Variants in EIF4A1 observed in about 807,000 individuals in gnomAD.
EIF4A1 encodes the protein eukaryotic initiation factor 4A-I.
EIF4A1 carries 11 observed loss-of-function variants against 53.5 expected under a neutral mutation model. That is an observed-to-expected ratio of 0.21 (90% CI 0.13 to 0.34). EIF4A1 has a LOEUF of 0.34. EIF4A1 is among the 10% of genes least tolerant of loss of function. The pLI, the probability that EIF4A1 is intolerant of heterozygous loss-of-function variation, is 1.00. For synonymous variants in EIF4A1, 237 were observed against 186.7 expected (o/e 1.27, Z -2.20); for missense variants, 213 against 530.8 (o/e 0.40, Z 5.88).
At chr17:7,575,538 A>C (rs2071388873) in intron 4 of EIF4A1, 1 of 523,198 alleles carries the variant, frequency 1.9e-6, no homozygotes, top group Non-Finnish European at 3.5e-6. Flanking sequence ...CTATGGGCTA[A>C]GAGATCCCTT....
In EIF4A1 at chr17:7,572,826, C is replaced by G. The variant is rs540517284; in HGVS notation, c.-16C>G. 1.9e-6 allele frequency: 3 copies of G among 1,614,016 alleles called. No homozygotes were observed. The highest frequency in any genetic ancestry group is 1.1e-5 in the South Asian group (1 of 91,092). ...GTTGTCGATAGGCGGGCACTCCGCC[C>G]TAGTTTCTAAGGATCATGTCTGCGA... On this transcript the variant is annotated 5_prime_UTR_variant, in exon 1 of 11. Transcript: ENST00000293831.
Sources: gnomAD v4.1 joint callset for allele counts on GRCh38, gnomAD v4.1.1 for gene constraint, MANE v1.5 for transcripts, NCBI Gene and HGNC (gene_info 2026-07-23, HGNC 2026-07-21) for gene names.